BMPR1B: variants seen among roughly 807,000 people sequenced by gnomAD.
The protein encoded by BMPR1B is bone morphogenetic protein receptor type 1B.
A neutral mutation model predicts 59.1 loss-of-function variants in BMPR1B; 12 were observed. The observed-to-expected ratio is 0.20, with a 90% CI of 0.13 to 0.33. The LOEUF (loss-of-function observed/expected upper bound fraction) is 0.33, where lower values mean the gene tolerates loss of function less well. BMPR1B is among the 10% of genes least tolerant of loss of function. The pLI is 1.00. For synonymous variants in BMPR1B, 237 were observed against 207.3 expected (o/e 1.14, Z -1.23); for missense variants, 550 against 610.9 (o/e 0.90, Z 1.05).
intron 2 of BMPR1B, among the ~76,000 whole-genome samples, chr4:94,982,536 T>C (rs1338641812): frequency 6.6e-6 from 1 of 152,248 alleles, no homozygotes; most frequent in East Asian, 1.9e-4. Flanking sequence ...CCAGCAATTC[T>C]GATTTCATTG....
intron 2 of BMPR1B, among the ~76,000 whole-genome samples, chr4:94,903,563 G>C (rs944029854): frequency 1.3e-5 from 2 of 151,108 alleles, no homozygotes; most frequent in African/African-American, 4.9e-5. Context: ...CTGTGGTCCA[G>C]TATTTTTAAA....
chr4:95,066,754 T>A (rs1290988357), intron 3 of BMPR1B, among the ~76,000 whole-genome samples: 7 of 152,172 alleles, frequency 4.6e-5, no homozygotes, highest in Non-Finnish European at 8.8e-5. Context: ...ATCCACTGAA[T>A]CAAAAACCTT....
At chr4:94,981,210 CTT>C (rs33948405) in intron 2 of BMPR1B, among the ~76,000 whole-genome samples, 15 of 148,640 alleles carry the variant, frequency 1.0e-4, no homozygotes, top group East Asian at 2.0e-4. Flanking sequence ...TTTATCCTTT[CTT>C]TTTTTTTTTG....
At chr4:95,087,922 A>G (rs1729708770) in intron 3 of BMPR1B, among the ~76,000 whole-genome samples, 1 of 152,144 alleles carries the variant, frequency 6.6e-6, no homozygotes, top group Non-Finnish European at 1.5e-5. Flanking sequence ...GAGAATGTCA[A>G]GTTTCAGTAA....
chr4:94,767,762 C>A (rs1168118568), intron 1 of BMPR1B, among the ~76,000 whole-genome samples: 1 of 152,040 alleles, frequency 6.6e-6, no homozygotes, highest in Non-Finnish European at 1.5e-5. Flanking sequence ...TCTCAATGGA[C>A]CAGATTCACT....
intron 1 of BMPR1B, among the ~76,000 whole-genome samples, chr4:94,796,908 T>G (rs889433218): frequency 2.0e-5 from 3 of 152,244 alleles, no homozygotes; most frequent in Non-Finnish European, 4.4e-5. Flanking sequence ...TTTATTTAAA[T>G]ATTAAATGTA....
intron 3 of BMPR1B, among the ~76,000 whole-genome samples, chr4:95,083,433 AGT>A (rs1729329523): frequency 1.3e-5 from 2 of 152,188 alleles, no homozygotes; most frequent in Non-Finnish European, 2.9e-5. Flanking sequence ...AAAAATTTAC[AGT>A]GTTTTTCAAA....
intron 3 of BMPR1B, among the ~76,000 whole-genome samples, chr4:95,035,729 G>T (rs184339614): frequency 6.6e-6 from 1 of 152,092 alleles, no homozygotes. Flanking sequence ...CTCCAGATTT[G>T]TTCTTTTTTC....
At chr4:94,837,567 G>A (rs373213952) in intron 1 of BMPR1B, among the ~76,000 whole-genome samples, 15 of 144,188 alleles carry the variant, frequency 1.0e-4, no homozygotes, top group African/African-American at 3.4e-4. Context: ...TTTGTCTGTT[G>A]TTGGTGTATA....
intron 2 of BMPR1B, among the ~76,000 whole-genome samples, chr4:94,920,602 G>A (rs1324057172): frequency 6.6e-6 from 1 of 152,184 alleles, no homozygotes; most frequent in Admixed American, 6.5e-5. Flanking sequence ...CTGTGGGAGT[G>A]AGGAGTTGTC....
At chr4:95,019,080 A>T (rs1723790820) in intron 3 of BMPR1B, among the ~76,000 whole-genome samples, 3 of 152,154 alleles carry the variant, frequency 2.0e-5, no homozygotes, top group Admixed American at 6.6e-5. Context: ...ACTGTCGAAT[A>T]CCGCTTCATA....
intron 1 of BMPR1B, among the ~76,000 whole-genome samples, chr4:94,808,704 A>G (rs923256052): frequency 6.6e-6 from 1 of 152,140 alleles, no homozygotes; most frequent in East Asian, 1.9e-4. Context: ...TTTCTGTTTT[A>G]TTTCGCCATT....
intron 2 of BMPR1B, among the ~76,000 whole-genome samples, chr4:94,971,730 AT>A (rs1730799691): frequency 6.6e-6 from 1 of 151,924 alleles, no homozygotes; most frequent in African/African-American, 2.4e-5. Context: ...ATTAATCTAA[AT>A]TTTATTAGCA....
chr4:94,766,136 T>C (rs920364149), intron 1 of BMPR1B, among the ~76,000 whole-genome samples: 3 of 152,216 alleles, frequency 2.0e-5, no homozygotes, highest in African/African-American at 7.2e-5. Context: ...CTGATGTTTT[T>C]AAATTGCAAC....
chr4:95,095,037 T>G (rs897573486), intron 3 of BMPR1B, among the ~76,000 whole-genome samples: 4 of 151,802 alleles, frequency 2.6e-5, no homozygotes, highest in African/African-American at 9.7e-5. Flanking sequence ...TTAGTGTATA[T>G]ATATATAATT....
intron 2 of BMPR1B, among the ~76,000 whole-genome samples, chr4:94,884,766 A>G (rs895267799): frequency 1.3e-5 from 2 of 152,176 alleles, no homozygotes; most frequent in African/African-American, 4.8e-5. Context: ...TTCTCCATGT[A>G]TCTAACACTC....
At chr4:95,095,236 T>C (rs1730281182) in intron 3 of BMPR1B, among the ~76,000 whole-genome samples, 1 of 152,018 alleles carries the variant, frequency 6.6e-6, no homozygotes, top group Admixed American at 6.6e-5. Context: ...GATTAAACTA[T>C]CTGATGTCAC....
At chr4:95,119,115 A>C (rs1168141507) in intron 6 of BMPR1B, among the ~76,000 whole-genome samples, 2 of 152,188 alleles carry the variant, frequency 1.3e-5, no homozygotes, top group Non-Finnish European at 2.9e-5. Context: ...GAAAAGTATT[A>C]TGTGTTCATA....
intron 1 of BMPR1B, among the ~76,000 whole-genome samples, chr4:94,782,328 AT>A (rs60231217): frequency 0.85 from 123,609 of 144,656 alleles, 52,858 homozygotes; most frequent in African/African-American, 0.94. Flanking sequence ...TTTAATGTTA[AT>A]TTTTTTTTTT....
Sources: allele counts gnomAD v4.1 joint callset (sites outside exome capture counted in the v4.1 genomes callset), GRCh38; gene constraint gnomAD v4.1.1; transcripts MANE v1.5; gene names NCBI Gene and HGNC (gene_info 2026-07-23, HGNC 2026-07-21).